GTF2IRD1: variants seen among roughly 807,000 people sequenced by gnomAD.
GTF2IRD1 encodes the protein general transcription factor II-I repeat domain-containing protein 1.
In GTF2IRD1, 26 loss-of-function variants were observed where a neutral mutation model predicts 113.2. The ratio of observed to expected loss-of-function variants is 0.23; its 90% confidence interval spans 0.17 to 0.32. The LOEUF is 0.32. GTF2IRD1 is among the 10% of genes least tolerant of loss of function. The pLI, the probability that GTF2IRD1 is intolerant of heterozygous loss-of-function variation, is 1.00. For missense variants in GTF2IRD1, 864 were observed against 1,280.8 expected, an observed-to-expected ratio of 0.67 and a Z score of 4.97; for synonymous variants, 484 against 529.1, an observed-to-expected ratio of 0.91 and a Z score of 1.17.
chr7:74,541,320 A>C (rs1180493706), intron 14 of GTF2IRD1, among the ~76,000 whole-genome samples: 1 of 151,894 alleles, frequency 6.6e-6, no homozygotes, highest in Non-Finnish European at 1.5e-5. Context: ...GCAAGACTCC[A>C]TCTCTAAAAG....
At chr7:74,588,425 G>A (rs1438778170) in intron 22 of GTF2IRD1, among the ~76,000 whole-genome samples, 1 of 152,012 alleles carries the variant, frequency 6.6e-6, no homozygotes, top group Non-Finnish European at 1.5e-5. Context: ...GATCTTTCAC[G>A]CTTGAGTGCC....
In GTF2IRD1 at chr7:74,539,852, C is replaced by T. The variant is rs185216790; in HGVS notation, c.1529-27C>T. 8.5e-6 allele frequency: 13 copies of T among 1,536,152 alleles called. No individual in the cohort carries two copies. The Admixed American group carries it at 2.2e-4, about 26-fold the overall frequency. The stretch of plus-strand genomic sequence containing the variant: ...CAGGAGTATGACAGGCAGAAGATAC[C>T]CGTGTCATTCGGAGTTTTGTCTTCA... On this transcript the variant is annotated intron_variant, in intron 13 of 26. Coordinates refer to ENST00000424337, the MANE Select transcript of GTF2IRD1 (RefSeq NM_005685.4).
intron 1 of GTF2IRD1, among the ~76,000 whole-genome samples, chr7:74,461,167 G>T (rs1793341286): frequency 6.6e-6 from 1 of 152,212 alleles, no homozygotes; most frequent in African/African-American, 2.4e-5. Context: ...ACCCCCGGGG[G>T]CAGGTCTGTG....
chr7:74,563,770 C>T (rs367936751), intron 22 of GTF2IRD1, among the ~76,000 whole-genome samples: 9 of 152,110 alleles, frequency 5.9e-5, no homozygotes, highest in African/African-American at 1.9e-4. Flanking sequence ...CCTGTAGTCT[C>T]AGCTACTCAG....
intron 22 of GTF2IRD1, among the ~76,000 whole-genome samples, chr7:74,568,839 G>C (rs1490801478): frequency 3.9e-5 from 6 of 152,098 alleles, no homozygotes; most frequent in African/African-American, 1.4e-4. Flanking sequence ...GGGAGGGCTG[G>C]AAGGAGGGAA....
intron 22 of GTF2IRD1, among the ~76,000 whole-genome samples, chr7:74,569,796 G>A (rs1247012180): frequency 3.9e-5 from 6 of 152,114 alleles, no homozygotes; most frequent in Admixed American, 6.5e-5. Flanking sequence ...GGAAGGTTCC[G>A]GAAGGGTGAT....
intron 24 of GTF2IRD1, 62 bp downstream of exon 24, chr7:74,591,079 C>A: frequency 2.4e-6 from 3 of 1,254,578 alleles, no homozygotes; most frequent in Non-Finnish European, 3.4e-6. Context: ...GGGTGAAAGT[C>A]AAGGTCACGG....
intron 21 of GTF2IRD1, 44 bp downstream of exon 21, chr7:74,559,088 A>C: frequency 5.2e-6 from 8 of 1,535,634 alleles, no homozygotes; most frequent in Non-Finnish European, 7.2e-6. Context: ...GGACTAGCTC[A>C]GATGGGAGCT....
chr7:74,496,604 GCA>G (rs1795742429), intron 1 of GTF2IRD1, among the ~76,000 whole-genome samples: 2 of 149,802 alleles, frequency 1.3e-5, no homozygotes, highest in Non-Finnish European at 3.0e-5. Context: ...GTGTGGGTGT[GCA>G]TGTATGTGGG....
intron 7 of GTF2IRD1, among the ~76,000 whole-genome samples, chr7:74,523,242 A>C (rs1009017466): frequency 6.6e-6 from 1 of 151,152 alleles, no homozygotes; most frequent in Non-Finnish European, 1.5e-5. Context: ...AGGAAAAAAC[A>C]CAGCCAGGAG....
At chr7:74,573,128 T>C (rs1259934661) in intron 22 of GTF2IRD1, among the ~76,000 whole-genome samples, 1 of 152,124 alleles carries the variant, frequency 6.6e-6, no homozygotes, top group African/African-American at 2.4e-5. Flanking sequence ...GCTTCCAGGC[T>C]GGGTGCGGTT....
chr7:74,549,234 C>T (rs1418576662), intron 17 of GTF2IRD1, among the ~76,000 whole-genome samples: 17 of 147,394 alleles, frequency 1.2e-4, no homozygotes, highest in South Asian at 8.7e-4. Flanking sequence ...ACCCGGGAGG[C>T]GGAGGTTGCA....
At chr7:74,600,995 C>T in intron 25 of GTF2IRD1, 49 bp from the exon 26 acceptor site, 1 of 1,606,586 alleles carries the variant, frequency 6.2e-7, no homozygotes, top group Non-Finnish European at 8.5e-7. Flanking sequence ...GAGGCTGAGA[C>T]AGAAAAGCCT....
intron 1 of GTF2IRD1, among the ~76,000 whole-genome samples, chr7:74,480,147 CT>C (rs577657231): frequency 2.2e-3 from 320 of 146,996 alleles, no homozygotes; most frequent in Admixed American, 6.3e-3. Context: ...GTGTTTTAAT[CT>C]TTTTTTTTTT....
intron 11 of GTF2IRD1, among the ~76,000 whole-genome samples, chr7:74,537,688 G>T (rs1346060912): frequency 3.9e-5 from 6 of 152,130 alleles, no homozygotes; most frequent in Non-Finnish European, 8.8e-5. Flanking sequence ...GCAGTTCCCT[G>T]GGAGGGAGGG....
intron 1 of GTF2IRD1, among the ~76,000 whole-genome samples, chr7:74,463,043 G>T (rs570515334): frequency 6.6e-6 from 1 of 152,160 alleles, no homozygotes; most frequent in African/African-American, 2.4e-5. Flanking sequence ...CTGGTGGTGC[G>T]TCTCTGGTCT....
At chr7:74,601,018 TC>T (rs1802728043) in intron 25 of GTF2IRD1, 25 bp from the exon 26 acceptor site, 5 of 1,613,550 alleles carry the variant, frequency 3.1e-6, no homozygotes, top group Non-Finnish European at 3.4e-6. Context: ...GCTTCCAGTG[TC>T]AACAGCCTTT....
At chr7:74,517,386 TTC>T in intron 4 of GTF2IRD1, among the ~76,000 whole-genome samples, 1 of 149,890 alleles carries the variant, frequency 6.7e-6, no homozygotes, top group South Asian at 2.1e-4. Flanking sequence ...TCTTCTTACT[TTC>T]TCTCCCCCCT....
At chr7:74,518,384 G>C in intron 5 of GTF2IRD1, 62 bp downstream of exon 5, 1 of 1,370,618 alleles carries the variant, frequency 7.3e-7, no homozygotes, top group Non-Finnish European at 9.9e-7. Context: ...TCAGGGCCGG[G>C]GGCTGGAGGC....
Sources: gnomAD v4.1 joint callset for allele counts (sites outside exome capture counted in the v4.1 genomes callset) on GRCh38, gnomAD v4.1.1 for gene constraint, MANE v1.5 for transcripts, NCBI Gene and HGNC (gene_info 2026-07-23, HGNC 2026-07-21) for gene names.